The following DPYD variants were observed in gnomAD, a reference collection of about 807,000 sequenced individuals.
DPYD encodes dihydropyrimidine dehydrogenase [NADP(+)].
DPYD carries 109 observed loss-of-function variants against 116.2 expected under a neutral mutation model. That is an observed-to-expected ratio of 0.94 (90% CI 0.80 to 1.10). DPYD has a LOEUF of 1.10. Among genes scored for constraint, DPYD ranks in the 50% least tolerant of loss-of-function variants. The pLI is 0.00. For synonymous variants in DPYD, 440 were observed against 432.0 expected, an observed-to-expected ratio of 1.02 and a Z score of -0.23; for missense variants, 1,302 against 1,254.5, an observed-to-expected ratio of 1.04 and a Z score of -0.57.
rs1456263554 is a variant in DPYD, at chr1:97,751,801, C to T, written c.234-11322G>A. On this transcript the variant is annotated intron_variant, in intron 3 of 22. Transcript: ENST00000370192. The stretch of plus-strand genomic sequence containing the variant: ...TTTTTTTTTGAGATGGAGTTTCTGT[C>T]GCCCTGACTGGAGTGCAGTGGTGCC... Among the ~76,000 whole-genome samples, 4 of 148,118 alleles carry T rather than the reference C, an allele frequency of 2.7e-5. No individual in the cohort carries two copies. In the East Asian group the frequency reaches 6.0e-4, roughly 22 times the overall value.
chr1:97,192,239 G>T (rs947279232), intron 20 of DPYD, among the ~76,000 whole-genome samples: 1 of 152,072 alleles, frequency 6.6e-6, no homozygotes, highest in African/African-American at 2.4e-5. Context: ...CCAAGGCAGA[G>T]TACCCAGGGC....
chr1:97,542,776 A>T (rs1339005059), intron 12 of DPYD, among the ~76,000 whole-genome samples: 1 of 150,758 alleles, frequency 6.6e-6, no homozygotes, highest in Non-Finnish European at 1.5e-5. Flanking sequence ...ACTTTTTAAA[A>T]TGCATCTTTT....
intron 12 of DPYD, among the ~76,000 whole-genome samples, chr1:97,544,674 G>GAAAA (rs147676795): frequency 7.8e-5 from 11 of 140,922 alleles, no homozygotes; most frequent in African/African-American, 2.9e-4. Context: ...GAAATGAACA[G>GAAAA]AAAAAAAAAA....
chr1:97,799,487 C>T (rs1667746667), intron 3 of DPYD, among the ~76,000 whole-genome samples: 1 of 151,874 alleles, frequency 6.6e-6, no homozygotes, highest in Non-Finnish European at 1.5e-5. Flanking sequence ...TTCTGAAACT[C>T]CATGCTAGTT....
At chr1:97,358,727 T>C (rs1195852132) in intron 16 of DPYD, among the ~76,000 whole-genome samples, 2 of 151,948 alleles carry the variant, frequency 1.3e-5, no homozygotes, top group Non-Finnish European at 2.9e-5. Context: ...ACCTGACTAT[T>C]AGAAGGAAAA....
intron 2 of DPYD, among the ~76,000 whole-genome samples, chr1:97,879,869 T>A (rs781090229): frequency 1.3e-5 from 2 of 151,796 alleles, no homozygotes; most frequent in Non-Finnish European, 2.9e-5. Context: ...ATAAGATGCT[T>A]CGAGCACCAA....
At chr1:97,803,174 AT>A (rs1667925513) in intron 3 of DPYD, among the ~76,000 whole-genome samples, 3 of 151,884 alleles carry the variant, frequency 2.0e-5, no homozygotes, top group African/African-American at 7.2e-5. Context: ...TTGCAGTTAC[AT>A]TTCAAACTGC....
chr1:97,295,185 T>G (rs1044497838), intron 18 of DPYD, among the ~76,000 whole-genome samples: 3 of 152,128 alleles, frequency 2.0e-5, no homozygotes, highest in Non-Finnish European at 2.9e-5. Flanking sequence ...CCCAATGGTA[T>G]CCACCTCCCA....
intron 20 of DPYD, among the ~76,000 whole-genome samples, chr1:97,135,929 T>C (rs1653756510): frequency 6.6e-6 from 1 of 152,202 alleles, no homozygotes; most frequent in Admixed American, 6.5e-5. Context: ...GGCCATTTTC[T>C]GCATGCAAGG....
chr1:97,663,213 C>A (rs879318768), intron 8 of DPYD, among the ~76,000 whole-genome samples: 4 of 152,176 alleles, frequency 2.6e-5, no homozygotes, highest in Admixed American at 2.6e-4. Flanking sequence ...CACCTAAGAG[C>A]TTCCTGGATA....
intron 1 of DPYD, among the ~76,000 whole-genome samples, chr1:97,919,965 C>T (rs1399111364): frequency 6.6e-6 from 1 of 152,070 alleles, no homozygotes; most frequent in Non-Finnish European, 1.5e-5. Context: ...GCCAAAAGGA[C>T]TGACGAAAGG....
intron 19 of DPYD, among the ~76,000 whole-genome samples, chr1:97,209,234 G>A (rs1260331181): frequency 3.9e-5 from 6 of 152,028 alleles, no homozygotes; most frequent in Non-Finnish European, 5.9e-5. Context: ...CAAAGAAAAG[G>A]TAAATAAGGT....
At chr1:97,752,290 T>A (rs905016009) in intron 3 of DPYD, among the ~76,000 whole-genome samples, 5 of 145,964 alleles carry the variant, frequency 3.4e-5, no homozygotes, top group Admixed American at 2.1e-4. Flanking sequence ...TAAACCTACT[T>A]CACACACACA....
intron 18 of DPYD, among the ~76,000 whole-genome samples, chr1:97,288,567 A>G (rs2100971475): frequency 6.6e-6 from 1 of 151,958 alleles, no homozygotes; most frequent in Middle Eastern, 3.4e-3. Flanking sequence ...GAAACTGAAC[A>G]ATCTGCTCCT....
At chr1:97,214,324 T>C (rs1021273969) in intron 19 of DPYD, among the ~76,000 whole-genome samples, 1 of 152,222 alleles carries the variant, frequency 6.6e-6, no homozygotes, top group Non-Finnish European at 1.5e-5. Flanking sequence ...AAGATTCAAC[T>C]ATTTATGGAT....
intron 16 of DPYD, among the ~76,000 whole-genome samples, chr1:97,363,370 C>T (rs533575443): frequency 7.9e-5 from 12 of 152,248 alleles, no homozygotes; most frequent in African/African-American, 2.9e-4. Flanking sequence ...TAAACTAGTT[C>T]AATCATTGTG....
intron 8 of DPYD, among the ~76,000 whole-genome samples, chr1:97,622,903 T>C (rs1055468408): frequency 1.3e-5 from 2 of 151,972 alleles, no homozygotes; most frequent in African/African-American, 4.8e-5. Flanking sequence ...GGAAATAGTT[T>C]CATGAAAAGA....
At chr1:97,376,887 G>GTGTGTGTGTATATATATATA in intron 15 of DPYD, among the ~76,000 whole-genome samples, 10 of 128,402 alleles carry the variant, frequency 7.8e-5, no homozygotes, top group African/African-American at 2.0e-4. Context: ...GTGTGTGTGT[G>GTGTGTGTGTATATATATATA]TATATATATA....
chr1:97,162,605 T>C (rs540064647), intron 20 of DPYD, among the ~76,000 whole-genome samples: 3 of 151,928 alleles, frequency 2.0e-5, no homozygotes, highest in African/African-American at 7.3e-5. Flanking sequence ...ACCAATGACT[T>C]TCTTCACAGA....
Sources: allele counts gnomAD v4.1 joint callset (sites outside exome capture counted in the v4.1 genomes callset), GRCh38; gene constraint gnomAD v4.1.1; transcripts MANE v1.5; gene names NCBI Gene and HGNC (gene_info 2026-07-23, HGNC 2026-07-21).